The following PPARGC1B variants were observed in gnomAD, a reference collection of about 807,000 sequenced individuals.
The protein encoded by PPARGC1B is peroxisome proliferator-activated receptor gamma coactivator 1-beta.
PPARGC1B carries 34 observed loss-of-function variants against 101.6 expected under a neutral mutation model. The observed-to-expected ratio is 0.33, with a 90% confidence interval of 0.25 to 0.45. The LOEUF is 0.45. PPARGC1B is among the 20% of genes least tolerant of loss of function. The pLI is 1.00. For synonymous variants in PPARGC1B, 548 were observed against 539.3 expected, an observed-to-expected ratio of 1.02 and a Z score of -0.22; for missense variants, 1,234 against 1,317.6, an observed-to-expected ratio of 0.94 and a Z score of 0.98.
intron 1 of PPARGC1B, among the ~76,000 whole-genome samples, chr5:149,779,448 C>T (rs1756516329): frequency 6.6e-6 from 1 of 152,220 alleles, no homozygotes; most frequent in Non-Finnish European, 1.5e-5. Context: ...ACCACTGCAA[C>T]ATCCATGCCT....
rs3042304 is a variant in PPARGC1B at position 149,732,045 on chromosome 5, G to GGTGTGT, written c.78+1653_78+1658dup. Among the ~76,000 whole-genome samples, 568 of 149,124 alleles carry GGTGTGT rather than the reference G, an allele frequency of 3.8e-3. 5 individuals carry two copies. The highest frequency in any genetic ancestry group is 0.013 in the African/African-American group (537 of 40,480). ...GTGTGATGAGCGGGTTGCGCGCGCGGGTGTGTGTGTGTGTGTGTGTGTGTG... is the reference window on the plus strand; with the variant it reads ...GTGTGATGAGCGGGTTGCGCGCGCGGGTGTGTGTGTGTGTGTGTGTGTGTGTGTGTG... On this transcript the variant is annotated intron_variant, in intron 1 of 11. Transcript: ENST00000309241.
At position 149,851,453 on chromosome 5, in the gene PPARGC1B, C is replaced by G. The variant is rs1759758841; in HGVS notation, c.*3895C>G. 1 of 152,220 alleles carries G rather than the reference C, an allele frequency of 6.6e-6. No homozygotes were observed. The highest frequency in any genetic ancestry group is 2.1e-4 in the South Asian group (1 of 4,832). The allele number at this position is 152,220 out of a possible 1,614,324, so 9.4% of individuals were successfully genotyped here. A position where few individuals can be genotyped will look rare whatever the true frequency, so the allele number is the denominator to read the frequency against. On this transcript the variant is annotated 3_prime_UTR_variant, in exon 12 of 12. Coordinates refer to ENST00000309241, the MANE Select transcript of PPARGC1B (RefSeq NM_133263.4). ...AGCCCCAGAGGATGTATTGATCTGA[C>G]TCACTGATGTCAAAATTGCAGTATT...
At chr5:149,829,163 T>G (rs1292880433) in intron 3 of PPARGC1B, among the ~76,000 whole-genome samples, 1 of 152,178 alleles carries the variant, frequency 6.6e-6, no homozygotes, top group African/African-American at 2.4e-5. Context: ...CCTGTGGACC[T>G]CTGTGTGTCT....
At chr5:149,769,040 T>C (rs991547962) in intron 1 of PPARGC1B, among the ~76,000 whole-genome samples, 9 of 152,242 alleles carry the variant, frequency 5.9e-5, no homozygotes, top group African/African-American at 2.2e-4. Flanking sequence ...TGTTAATCTC[T>C]ATTTGCAGCC....
At chr5:149,801,530 T>TG (rs1326295505) in intron 1 of PPARGC1B, among the ~76,000 whole-genome samples, 1 of 150,942 alleles carries the variant, frequency 6.6e-6, no homozygotes, top group Non-Finnish European at 1.5e-5. Flanking sequence ...CAGTAGGGAG[T>TG]GGGTGCTGGT....
At chr5:149,835,412 G>T in intron 7 of PPARGC1B, 47 bp downstream of exon 7, 1 of 1,540,036 alleles carries the variant, frequency 6.5e-7, no homozygotes, top group East Asian at 2.2e-5. Flanking sequence ...GAAAACACCC[G>T]TGCATCTCTG....
rs45540834 is a variant in PPARGC1B at position 149,842,131 on chromosome 5, G to A, written c.2695-125G>A. On this transcript the variant is annotated intron_variant, in intron 9 of 11. Transcript: ENST00000309241. Reference sequence around the variant, plus strand: ...TGGCATTGTCCTCTCTCTGACTCCAGCCGGTATTGCTCACTCAGCCAGGCA... The same window carrying A: ...TGGCATTGTCCTCTCTCTGACTCCAACCGGTATTGCTCACTCAGCCAGGCA... The A allele has an allele frequency of 3.2e-3, 3,964 of 1,230,108 alleles. 97 individuals carry two copies. In the African/African-American group the frequency reaches 0.054, roughly 17 times the overall value. 76.2% of individuals were successfully genotyped at this position (1,230,108 alleles called of 1,614,324 possible). A position where few individuals can be genotyped will look rare whatever the true frequency, so the allele number is the denominator to read the frequency against.
chr5:149,769,147 A>G (rs1756028324), intron 1 of PPARGC1B, among the ~76,000 whole-genome samples: 1 of 152,244 alleles, frequency 6.6e-6, no homozygotes, highest in South Asian at 2.1e-4. Flanking sequence ...TTGCATGTGC[A>G]GTTCACAATA....
intron 1 of PPARGC1B, among the ~76,000 whole-genome samples, chr5:149,809,527 TAAGC>T (rs1428315579): frequency 4.3e-5 from 6 of 138,688 alleles, no homozygotes; most frequent in South Asian, 2.3e-4. Context: ...GATAGATAGA[TAAGC>T]AAGCAAGCAA....
At chr5:149,793,643 A>G (rs1042311438) in intron 1 of PPARGC1B, among the ~76,000 whole-genome samples, 1 of 152,198 alleles carries the variant, frequency 6.6e-6, no homozygotes, top group Non-Finnish European at 1.5e-5. Flanking sequence ...CACTTGTCTC[A>G]GGTACAGCCT....
chr5:149,825,555 C>G (rs1279116646), intron 2 of PPARGC1B, among the ~76,000 whole-genome samples: 3 of 152,236 alleles, frequency 2.0e-5, no homozygotes, highest in African/African-American at 7.2e-5. Flanking sequence ...GGACCACCCT[C>G]AAGAGCCTGT....
intron 2 of PPARGC1B, 91 bp downstream of exon 2, chr5:149,820,697 C>A: frequency 7.8e-7 from 1 of 1,284,180 alleles, no homozygotes; most frequent in Admixed American, 2.0e-5. Flanking sequence ...TTCTCCTGCA[C>A]TTGCTCATGC....
intron 4 of PPARGC1B, among the ~76,000 whole-genome samples, chr5:149,831,259 A>G (rs1758773770): frequency 6.6e-6 from 1 of 152,114 alleles, no homozygotes; most frequent in African/African-American, 2.4e-5. Context: ...CCCCTCAGGG[A>G]GCCCATTGGA....
At chr5:149,816,255 T>C (rs1459044152) in intron 1 of PPARGC1B, among the ~76,000 whole-genome samples, 1 of 152,216 alleles carries the variant, frequency 6.6e-6, no homozygotes, top group Admixed American at 6.5e-5. Flanking sequence ...GGGTACACTT[T>C]GAGTATGTTG....
intron 1 of PPARGC1B, among the ~76,000 whole-genome samples, chr5:149,734,585 G>A (rs17797688): frequency 0.11 from 17,242 of 152,028 alleles, 1,102 homozygotes; most frequent in East Asian, 0.25. Flanking sequence ...TGTAAGCAAT[G>A]CTAAAACGAA....
chr5:149,742,741 C>G (rs1754954571), intron 1 of PPARGC1B, among the ~76,000 whole-genome samples: 1 of 152,166 alleles, frequency 6.6e-6, no homozygotes, highest in African/African-American at 2.4e-5. Flanking sequence ...TCAGTGACTT[C>G]CCCAAATCAC....
chr5:149,774,979 C>T (rs1178363903), intron 1 of PPARGC1B, among the ~76,000 whole-genome samples: 5 of 152,144 alleles, frequency 3.3e-5, no homozygotes, highest in Non-Finnish European at 7.4e-5. Context: ...GCCAGAGAGC[C>T]GGGCGAGCTG....
Position 149,832,001 on chromosome 5 carries a change from G to T in PPARGC1B, c.583-655G>T, listed in dbSNP as rs1246715399. Among the ~76,000 whole-genome samples, 1 of 152,182 alleles carries T rather than the reference G, an allele frequency of 6.6e-6. No homozygotes were observed. Among genetic ancestry groups the T allele is most frequent in the African/African-American group, 2.4e-5 (1 of 41,448 alleles). On this transcript the variant is annotated intron_variant, in intron 4 of 11. Coordinates refer to ENST00000309241, the MANE Select transcript of PPARGC1B (RefSeq NM_133263.4). The surrounding 1 kb of genome is among the most constrained non-coding windows in gnomAD (Gnocchi z 4.9). ...CCCATGCAATTGTGACCATTATCCA[G>T]TTTTAGAACATATCCATCATTCAGG...
At chr5:149,830,707 A>T (rs1758746687) in intron 3 of PPARGC1B, 60 bp from the exon 4 acceptor site, 1 of 1,264,938 alleles carries the variant, frequency 7.9e-7, no homozygotes, top group Admixed American at 1.7e-5. Context: ...CTGGCCATGC[A>T]GTCCATGTCC....
Sources: allele counts gnomAD v4.1 joint callset (sites outside exome capture counted in the v4.1 genomes callset), GRCh38; gene constraint gnomAD v4.1.1; non-coding constraint Gnocchi (gnomAD v3.1); transcripts MANE v1.5; gene names NCBI Gene and HGNC (gene_info 2026-07-23, HGNC 2026-07-21).